PTPRT: variants seen among roughly 807,000 people sequenced by gnomAD.
The protein encoded by PTPRT is protein tyrosine phosphatase receptor type T.
PTPRT carries 56 observed loss-of-function variants against 176.8 expected under a neutral mutation model. The ratio of observed to expected loss-of-function variants is 0.32; its 90% CI spans 0.26 to 0.40. PTPRT has a LOEUF of 0.40. Among genes scored for constraint, PTPRT ranks in the 10% least tolerant of loss-of-function variants. The pLI is 1.00. For missense variants in PTPRT, 1,540 were observed against 1,908.2 expected, an observed-to-expected ratio of 0.81 and a Z score of 3.60; for synonymous variants, 783 against 739.0, an observed-to-expected ratio of 1.06 and a Z score of -0.96.
intron 1 of PTPRT, among the ~76,000 whole-genome samples, chr20:43,082,300 T>G (rs1168246868): frequency 4.3e-5 from 1 of 23,126 alleles, no homozygotes; most frequent in Non-Finnish European, 7.9e-5. Context: ...TACTATGCTT[T>G]TTTTATTTTC....
chr20:42,468,273 G>A (rs898722472), intron 8 of PTPRT, among the ~76,000 whole-genome samples: 2 of 152,164 alleles, frequency 1.3e-5, no homozygotes, highest in African/African-American at 4.8e-5. Flanking sequence ...GCTGGCTCCC[G>A]GAGGGGGGTT....
intron 2 of PTPRT, among the ~76,000 whole-genome samples, chr20:42,853,750 A>G (rs920781270): frequency 1.3e-5 from 2 of 152,228 alleles, no homozygotes; most frequent in African/African-American, 4.8e-5. Context: ...AGCATCCCTT[A>G]GACCAATCAA....
intron 2 of PTPRT, among the ~76,000 whole-genome samples, chr20:42,823,154 T>G (rs1298583681): frequency 6.6e-6 from 1 of 152,084 alleles, no homozygotes; most frequent in Non-Finnish European, 1.5e-5. Flanking sequence ...CCATCAATGA[T>G]AGACCGGATA....
At chr20:42,466,075 T>A (rs1222223598) in intron 8 of PTPRT, among the ~76,000 whole-genome samples, 1 of 152,178 alleles carries the variant, frequency 6.6e-6, no homozygotes, top group Non-Finnish European at 1.5e-5. Flanking sequence ...GACTTCCAGC[T>A]CCATCCATGT....
intron 6 of PTPRT, among the ~76,000 whole-genome samples, chr20:42,718,807 A>G (rs868323352): frequency 3.3e-4 from 50 of 152,286 alleles, no homozygotes; most frequent in African/African-American, 1.2e-3. Context: ...TTCAGTTATA[A>G]TGTGTCTTTT....
chr20:42,445,124 G>C (rs2059351259), intron 9 of PTPRT, among the ~76,000 whole-genome samples: 1 of 152,096 alleles, frequency 6.6e-6, no homozygotes, highest in African/African-American at 2.4e-5. Flanking sequence ...CTGGTCTATG[G>C]ACCACGCTAA....
At chr20:42,043,553 C>T in the PTPRT span, among the ~76,000 whole-genome samples, 1 of 152,154 alleles carries the variant, frequency 6.6e-6, no homozygotes, top group Non-Finnish European at 1.5e-5. Flanking sequence ...GTCACATATT[C>T]CAGATGGTAC....
intron 13 of PTPRT, among the ~76,000 whole-genome samples, chr20:42,259,325 T>A (rs2056705109): frequency 6.6e-6 from 1 of 152,232 alleles, no homozygotes; most frequent in South Asian, 2.1e-4. Context: ...AAGTGTCTTT[T>A]TTTTATCCAT....
intron 7 of PTPRT, among the ~76,000 whole-genome samples, chr20:42,588,974 T>C (rs1224570157): frequency 6.6e-6 from 1 of 152,072 alleles, no homozygotes; most frequent in Non-Finnish European, 1.5e-5. Flanking sequence ...AAGGCAGAAA[T>C]AGGATTTGAG....
intron 11 of PTPRT, among the ~76,000 whole-genome samples, chr20:42,339,705 A>C (rs1308549890): frequency 6.6e-6 from 1 of 152,234 alleles, no homozygotes; most frequent in Non-Finnish European, 1.5e-5. Flanking sequence ...GGGGACAGGC[A>C]GGACTCTGCA....
intron 7 of PTPRT, among the ~76,000 whole-genome samples, chr20:42,630,793 T>C (rs530055544): frequency 6.6e-6 from 1 of 152,238 alleles, no homozygotes; most frequent in Non-Finnish European, 1.5e-5. Context: ...ACAATGACCA[T>C]CATGACATCA....
At chr20:42,860,997 T>C (rs2078650985) in intron 2 of PTPRT, among the ~76,000 whole-genome samples, 6 of 152,218 alleles carry the variant, frequency 3.9e-5, no homozygotes. Flanking sequence ...GATTATTCTC[T>C]GTTCCTCCAT....
At chr20:42,979,786 T>A (rs1983164421) in intron 1 of PTPRT, among the ~76,000 whole-genome samples, 1 of 152,030 alleles carries the variant, frequency 6.6e-6, no homozygotes, top group Non-Finnish European at 1.5e-5. Flanking sequence ...TATAAAACTT[T>A]GGTCTAAAGG....
chr20:42,381,686 G>C (rs960651635), intron 9 of PTPRT, among the ~76,000 whole-genome samples: 3 of 152,172 alleles, frequency 2.0e-5, no homozygotes, highest in African/African-American at 7.2e-5. Flanking sequence ...GAGGGAAAAT[G>C]GGGGAAGAAG....
intron 2 of PTPRT, among the ~76,000 whole-genome samples, chr20:42,870,244 T>C (rs2078822045): frequency 6.6e-6 from 1 of 152,194 alleles, no homozygotes; most frequent in Admixed American, 6.5e-5. Context: ...ATCACATAAG[T>C]ACAATCATAC....
Position 42,559,470 on chromosome 20 carries a change from G to T in PTPRT, c.1154-86908C>A, listed in dbSNP as rs527484398. Among the ~76,000 whole-genome samples the T allele has an allele frequency of 2.6e-5, 4 of 152,276 alleles. No homozygotes were observed. The South Asian group carries it at 6.2e-4, about 24-fold the overall frequency. On this transcript the variant is annotated intron_variant, in intron 7 of 30. Transcript: ENST00000373187. ...TCTATGCCATACTTTTGTTTTCCAA[G>T]AAGTTCATTTGATAGATTTCTAATA...
intron 12 of PTPRT, among the ~76,000 whole-genome samples, chr20:42,315,491 A>G (rs1359454383): frequency 3.9e-5 from 6 of 152,196 alleles, no homozygotes. Flanking sequence ...TGGAGCATAT[A>G]GTCTCTGTTA....
At chr20:42,921,035 G>A (rs58920280) in intron 1 of PTPRT, among the ~76,000 whole-genome samples, 4,591 of 152,184 alleles carry the variant, frequency 0.03, 151 homozygotes, top group African/African-American at 0.082. Flanking sequence ...AGACAGCACG[G>A]CAAAATGCTC....
chr20:42,779,044 T>C (rs757394958), intron 4 of PTPRT, among the ~76,000 whole-genome samples: 1 of 152,164 alleles, frequency 6.6e-6, no homozygotes, highest in Non-Finnish European at 1.5e-5. Context: ...CAAAATAATG[T>C]TCGGAACTTG....
Sources: allele counts gnomAD v4.1 joint callset (sites outside exome capture counted in the v4.1 genomes callset), GRCh38; gene constraint gnomAD v4.1.1; transcripts MANE v1.5; gene names NCBI Gene and HGNC (gene_info 2026-07-23, HGNC 2026-07-21).